ST18: variants seen among roughly 807,000 people sequenced by gnomAD.
ST18 encodes suppression of tumorigenicity 18 protein.
Under a neutral mutation model 110.0 loss-of-function variants are expected in ST18, and 50 were observed. The observed-to-expected ratio is 0.45, with a 90% CI of 0.36 to 0.58. The LOEUF (loss-of-function observed/expected upper bound fraction) is 0.58, where lower values mean the gene tolerates loss of function less well. Ranked by LOEUF, ST18 falls within the 20% of genes least tolerant of loss-of-function variation. ST18 has a pLI of 0.00. For synonymous variants in ST18, 461 were observed against 452.4 expected, an observed-to-expected ratio of 1.02 and a Z score of -0.24; for missense variants, 1,306 against 1,280.1, an observed-to-expected ratio of 1.02 and a Z score of -0.31.
At chr8:52,408,118 T>C (rs1436641173) in intron 2 of ST18, among the ~76,000 whole-genome samples, 1 of 152,136 alleles carries the variant, frequency 6.6e-6, no homozygotes, top group Non-Finnish European at 1.5e-5. Flanking sequence ...GTAAGAAAAA[T>C]GATGTTATTT....
chr8:52,252,824 A>C (rs1047887266), intron 2 of ST18, among the ~76,000 whole-genome samples: 2 of 151,986 alleles, frequency 1.3e-5, no homozygotes, highest in Non-Finnish European at 1.5e-5. Flanking sequence ...AGAAGGAGAA[A>C]AGAGAACACT....
At chr8:52,347,709 C>T (rs962412372) in intron 2 of ST18, among the ~76,000 whole-genome samples, 8 of 152,126 alleles carry the variant, frequency 5.3e-5, no homozygotes, top group African/African-American at 1.4e-4. Flanking sequence ...CATTAATTCC[C>T]ACAACAACTC....
chr8:52,259,764 AG>A (rs2094629199), intron 2 of ST18, among the ~76,000 whole-genome samples: 1 of 152,198 alleles, frequency 6.6e-6, no homozygotes, highest in Non-Finnish European at 1.5e-5. Flanking sequence ...ATTCAGACTC[AG>A]ATGGTTTGTC....
chr8:52,398,550 T>C (rs1469044548), intron 2 of ST18, among the ~76,000 whole-genome samples: 1 of 152,154 alleles, frequency 6.6e-6, no homozygotes, highest in African/African-American at 2.4e-5. Flanking sequence ...CTGTGGGTTT[T>C]TCATAAATGG....
intron 2 of ST18, among the ~76,000 whole-genome samples, chr8:52,319,214 C>A (rs115778589): frequency 0.016 from 2,365 of 152,106 alleles, 54 homozygotes; most frequent in African/African-American, 0.055. Flanking sequence ...GAATATGATC[C>A]ATTTTTGTCG....
intron 17 of ST18, among the ~76,000 whole-genome samples, chr8:52,139,521 A>C (rs1225687770): frequency 6.6e-6 from 1 of 151,364 alleles, no homozygotes; most frequent in South Asian, 2.1e-4. Context: ...ATGCCCGACT[A>C]ATTTTTGTGT....
At chr8:52,196,209 G>A (rs2076139974) in intron 8 of ST18, among the ~76,000 whole-genome samples, 1 of 152,184 alleles carries the variant, frequency 6.6e-6, no homozygotes, top group South Asian at 2.1e-4. Flanking sequence ...ACCTGCCTAG[G>A]CTGGGTCTAC....
intron 2 of ST18, among the ~76,000 whole-genome samples, chr8:52,231,653 T>A (rs541697253): frequency 9.2e-5 from 14 of 152,310 alleles, no homozygotes; most frequent in Non-Finnish European, 2.1e-4. Context: ...ATTTTTGTAT[T>A]TTTAGTAAAA....
At chr8:52,251,769 T>A (rs887874636) in intron 2 of ST18, among the ~76,000 whole-genome samples, 3 of 152,100 alleles carry the variant, frequency 2.0e-5, no homozygotes, top group African/African-American at 7.2e-5. Flanking sequence ...AGGCAGCAGA[T>A]GGAACCATTT....
At chr8:52,378,040 C>T (rs11987928) in intron 2 of ST18, among the ~76,000 whole-genome samples, 24,722 of 151,926 alleles carry the variant, frequency 0.16, 3,301 homozygotes, top group African/African-American at 0.36. Context: ...CTCACTTATT[C>T]GTGGGAGATA....
At chr8:52,135,933 T>A (rs1342048849) in intron 19 of ST18, among the ~76,000 whole-genome samples, 2 of 152,250 alleles carry the variant, frequency 1.3e-5, no homozygotes, top group African/African-American at 4.8e-5. Context: ...ATTAGTTTTG[T>A]TTAATCCTAT....
chr8:52,112,996 A>G lies in ST18; in HGVS notation c.*202T>C, dbSNP rs2040966159. ...GAAAATAAATAAGATCTAATAATTG[A>G]CTGCATTGCTTTTAATCCAAGAAGT... is the stretch of plus-strand genomic sequence containing the variant. On this transcript the variant is annotated 3_prime_UTR_variant, in exon 26 of 26. Transcript: ENST00000689386. 2 of 429,270 alleles carry G rather than the reference A, an allele frequency of 4.7e-6. No individual in the cohort carries two copies. Among genetic ancestry groups the G allele is most frequent in the South Asian group, 1.8e-4 (2 of 10,912 alleles). 26.6% of individuals were successfully genotyped at this position (429,270 alleles called of 1,614,324 possible).
intron 2 of ST18, among the ~76,000 whole-genome samples, chr8:52,302,384 A>C (rs747864269): frequency 6.6e-6 from 1 of 152,224 alleles, no homozygotes; most frequent in African/African-American, 2.4e-5. Flanking sequence ...TGTAGAAATA[A>C]ATATAGATTT....
At chr8:52,242,605 G>A (rs1298082135) in intron 2 of ST18, among the ~76,000 whole-genome samples, 3 of 152,190 alleles carry the variant, frequency 2.0e-5, no homozygotes, top group South Asian at 4.1e-4. Flanking sequence ...TTGGGAAGCC[G>A]AGGCAGATTG....
chr8:52,145,932 T>G (rs1185293678), intron 16 of ST18, among the ~76,000 whole-genome samples: 1 of 152,252 alleles, frequency 6.6e-6, no homozygotes, highest in Non-Finnish European at 1.5e-5. Context: ...TTCAGGAATT[T>G]TTTTTAGGGG....
intron 2 of ST18, among the ~76,000 whole-genome samples, chr8:52,396,899 T>G (rs1841345042): frequency 6.6e-6 from 1 of 152,240 alleles, no homozygotes; most frequent in Admixed American, 6.5e-5. Context: ...ACACTTACGT[T>G]GTTTCCATAT....
intron 2 of ST18, among the ~76,000 whole-genome samples, chr8:52,371,455 A>C (rs751627079): frequency 4.6e-5 from 7 of 152,258 alleles, no homozygotes; most frequent in Non-Finnish European, 8.8e-5. Context: ...GATGCTCTCA[A>C]AACTGTGTCA....
chr8:52,248,246 T>C (rs982192343), intron 2 of ST18, among the ~76,000 whole-genome samples: 1 of 152,132 alleles, frequency 6.6e-6, no homozygotes, highest in African/African-American at 2.4e-5. Context: ...GCAAACTGAT[T>C]TCTACACAGA....
At chr8:52,159,281 A>G (rs907127861) in intron 14 of ST18, among the ~76,000 whole-genome samples, 172 bp from the exon 15 acceptor site, 2 of 152,236 alleles carry the variant, frequency 1.3e-5, no homozygotes, top group Non-Finnish European at 2.9e-5. Context: ...CGGTTTTCAC[A>G]GAGATTCACA....
Sources: allele counts gnomAD v4.1 joint callset (sites outside exome capture counted in the v4.1 genomes callset), GRCh38; gene constraint gnomAD v4.1.1; transcripts MANE v1.5; gene names NCBI Gene and HGNC (gene_info 2026-07-23, HGNC 2026-07-21).